RALGPS2: variants seen among roughly 807,000 people sequenced by gnomAD.
RALGPS2 encodes the protein ras-specific guanine nucleotide-releasing factor RalGPS2.
RALGPS2 carries 43 observed loss-of-function variants against 86.8 expected under a neutral mutation model. The observed-to-expected ratio is 0.50, with a 90% CI of 0.39 to 0.64. RALGPS2 has a LOEUF of 0.64. Ranked by LOEUF, RALGPS2 falls within the 30% of genes least tolerant of loss-of-function variation. The pLI, the probability that RALGPS2 is intolerant of heterozygous loss-of-function variation, is 0.00. For synonymous variants in RALGPS2, 243 were observed against 231.3 expected, an observed-to-expected ratio of 1.05 and a Z score of -0.46; for missense variants, 536 against 694.6, an observed-to-expected ratio of 0.77 and a Z score of 2.57.
intron 18 of RALGPS2, among the ~76,000 whole-genome samples, chr1:178,904,139 T>C (rs1298935588): frequency 6.6e-6 from 1 of 152,190 alleles, no homozygotes; most frequent in East Asian, 1.9e-4. Context: ...TTGTTGGCCA[T>C]TTGTGTATCT....
intron 8 of RALGPS2, chr1:178,865,548 T>C (rs756866252): frequency 2.2e-5 from 36 of 1,614,038 alleles, no homozygotes; most frequent in Non-Finnish European, 2.9e-5. Flanking sequence ...ATCATGTCTT[T>C]AATGGTACTT....
intron 1 of RALGPS2, among the ~76,000 whole-genome samples, chr1:178,738,203 C>CTTT (rs1051296802): frequency 6.3e-4 from 70 of 110,716 alleles, no homozygotes; most frequent in African/African-American, 1.4e-3. Context: ...AGATGGATAT[C>CTTT]TTTTTTTTTT....
chr1:178,819,448 G>A (rs78553862), intron 6 of RALGPS2, among the ~76,000 whole-genome samples: 1 of 152,106 alleles, frequency 6.6e-6, no homozygotes, highest in Non-Finnish European at 1.5e-5. Flanking sequence ...TTACGCTCAG[G>A]CAATGAGTCC....
At chr1:178,852,663 T>A in intron 8 of RALGPS2, 1 of 1,598,626 alleles carries the variant, frequency 6.3e-7, no homozygotes, top group Non-Finnish European at 8.5e-7. Flanking sequence ...CTACAAAGAA[T>A]GAAAGTTTTT....
At chr1:178,752,428 T>A (rs1651734502) in intron 1 of RALGPS2, among the ~76,000 whole-genome samples, 1 of 151,250 alleles carries the variant, frequency 6.6e-6, no homozygotes, top group African/African-American at 2.4e-5. Flanking sequence ...TCTCCCAAAG[T>A]GGTGAGATAC....
intron 1 of RALGPS2, among the ~76,000 whole-genome samples, chr1:178,762,664 C>T (rs1254698837): frequency 6.6e-6 from 1 of 152,088 alleles, no homozygotes; most frequent in Non-Finnish European, 1.5e-5. Context: ...TGAGAAGTAT[C>T]TGTTCATGTC....
intron 1 of RALGPS2, among the ~76,000 whole-genome samples, chr1:178,737,548 C>T (rs758070996): frequency 1.3e-5 from 2 of 151,920 alleles, no homozygotes; most frequent in East Asian, 3.9e-4. Flanking sequence ...ACCTGGCCAG[C>T]GCCACCTTTA....
At chr1:178,853,596 T>C in intron 8 of RALGPS2, 4 of 1,595,748 alleles carry the variant, frequency 2.5e-6, no homozygotes, top group Non-Finnish European at 3.4e-6. Context: ...TGATTTACCT[T>C]ATAATTTTCC....
intron 6 of RALGPS2, among the ~76,000 whole-genome samples, chr1:178,820,837 C>A (rs1655462959): frequency 6.6e-6 from 1 of 151,822 alleles, no homozygotes. Context: ...TATTTGTTTT[C>A]TTCGGGCTTT....
chr1:178,810,546 T>A (rs936340858), intron 5 of RALGPS2, among the ~76,000 whole-genome samples: 7 of 151,634 alleles, frequency 4.6e-5, no homozygotes, highest in Non-Finnish European at 8.8e-5. Context: ...TTTTTTTTTT[T>A]AGGAGTAAAC....
intron 1 of RALGPS2, among the ~76,000 whole-genome samples, chr1:178,732,561 A>G (rs1398652608): frequency 1.3e-5 from 2 of 152,032 alleles, no homozygotes; most frequent in Admixed American, 6.6e-5. Context: ...GGCCTCCCAA[A>G]GTGCTGGGAT....
At chr1:178,900,287 A>T (rs186506582) in intron 17 of RALGPS2, among the ~76,000 whole-genome samples, 1 of 151,978 alleles carries the variant, frequency 6.6e-6, no homozygotes, top group African/African-American at 2.4e-5. Context: ...TATAAAGTAT[A>T]TATTTTTTTG....
chr1:178,775,078 G>A (rs1429729123), intron 1 of RALGPS2, among the ~76,000 whole-genome samples: 1 of 152,082 alleles, frequency 6.6e-6, no homozygotes, highest in Non-Finnish European at 1.5e-5. Flanking sequence ...TGGGAATTAA[G>A]CAGATAGTAA....
chr1:178,804,380 A>G (rs1226707705), intron 4 of RALGPS2, among the ~76,000 whole-genome samples: 20 of 134,950 alleles, frequency 1.5e-4, no homozygotes, highest in Non-Finnish European at 1.6e-5. Context: ...GCACCCACTA[A>G]CTCGTCATCT....
At chr1:178,728,859 A>C (rs1650179728) in intron 1 of RALGPS2, among the ~76,000 whole-genome samples, 1 of 152,224 alleles carries the variant, frequency 6.6e-6, no homozygotes, top group Non-Finnish European at 1.5e-5. Flanking sequence ...ACTGGAATTT[A>C]AAATGTGTTA....
chr1:178,762,892 T>C (rs947232212), intron 1 of RALGPS2, among the ~76,000 whole-genome samples: 19 of 152,184 alleles, frequency 1.2e-4, no homozygotes, highest in Admixed American at 2.6e-4. Flanking sequence ...GCTTTTGGAG[T>C]CTTTGTTATG....
chr1:178,868,504 A>G (rs1658555670), intron 8 of RALGPS2, among the ~76,000 whole-genome samples: 1 of 152,028 alleles, frequency 6.6e-6, no homozygotes, highest in Non-Finnish European at 1.5e-5. Context: ...AAACTCTAAA[A>G]CAAATAGAAT....
At chr1:178,870,312 T>C (rs1487801068) in intron 8 of RALGPS2, among the ~76,000 whole-genome samples, 2 of 152,208 alleles carry the variant, frequency 1.3e-5, no homozygotes, top group African/African-American at 4.8e-5. Context: ...AGTTTATGTA[T>C]ATCTTCAGCA....
At chr1:178,786,469 C>G (rs1458550126) in intron 4 of RALGPS2, among the ~76,000 whole-genome samples, 1 of 151,870 alleles carries the variant, frequency 6.6e-6, no homozygotes, top group Non-Finnish European at 1.5e-5. Context: ...CTAATGAAAA[C>G]AAAGGGACTG....
Sources: gnomAD v4.1 joint callset for allele counts (sites outside exome capture counted in the v4.1 genomes callset) on GRCh38, gnomAD v4.1.1 for gene constraint, MANE v1.5 for transcripts, NCBI Gene and HGNC (gene_info 2026-07-23, HGNC 2026-07-21) for gene names.